The following DPH6 variants were observed in gnomAD, a reference collection of about 807,000 sequenced individuals.
The protein encoded by DPH6 is diphthamine biosynthesis 6.
In DPH6, 33 loss-of-function variants were observed where a neutral mutation model predicts 38.2. The ratio of observed to expected loss-of-function variants is 0.86; its 90% CI spans 0.65 to 1.15. DPH6 has a LOEUF of 1.15. DPH6 is among the 50% of genes most tolerant of loss of function. DPH6 has a pLI of 0.00. For synonymous variants in DPH6, 108 were observed against 103.0 expected (o/e 1.05, Z -0.30); for missense variants, 325 against 320.0 (o/e 1.02, Z -0.12).
intron 3 of DPH6, among the ~76,000 whole-genome samples, chr15:35,324,139 G>C (rs1297118944): frequency 6.6e-6 from 1 of 152,110 alleles, no homozygotes; most frequent in Non-Finnish European, 1.5e-5. Context: ...ATAATTCAGG[G>C]TTGTTGTGAG....
the DPH6 span, among the ~76,000 whole-genome samples, chr15:35,176,053 G>T: frequency 6.6e-6 from 1 of 152,186 alleles, no homozygotes; most frequent in Non-Finnish European, 1.5e-5. Context: ...ACTGTGAAGA[G>T]ATAATAACAA....
At chr15:35,226,952 T>C (rs1273465162) in intron 3 of DPH6, among the ~76,000 whole-genome samples, 11 of 152,108 alleles carry the variant, frequency 7.2e-5, no homozygotes, top group Non-Finnish European at 1.6e-4. Context: ...TTAGGTTCTG[T>C]CTGGGCTTTT....
the DPH6 span, among the ~76,000 whole-genome samples, chr15:35,204,608 C>G: frequency 6.6e-6 from 1 of 151,428 alleles, no homozygotes; most frequent in Non-Finnish European, 1.5e-5. Flanking sequence ...GGGTTATGCC[C>G]AAAACTCTGG....
chr15:35,521,577 G>A (rs2054923522), intron 3 of DPH6: 1 of 1,226,918 alleles, frequency 8.2e-7, no homozygotes, highest in Non-Finnish European at 1.0e-6. Context: ...GTGAGAAAAT[G>A]TATTTGCAAT....
At chr15:35,501,799 C>T (rs1237825520) in intron 3 of DPH6, among the ~76,000 whole-genome samples, 2 of 151,970 alleles carry the variant, frequency 1.3e-5, no homozygotes, top group East Asian at 1.9e-4. Flanking sequence ...TTAAGTGTTG[C>T]TATATTTTAA....
rs1055949744 is a variant in DPH6, at chr15:35,445,392, CATCA to C, written c.505+5289_505+5292del. Among the ~76,000 whole-genome samples, 4 of 37,164 alleles carry C rather than the reference CATCA, an allele frequency of 1.1e-4. No homozygotes were observed. The Admixed American group carries it at 1.7e-3, about 16-fold the overall frequency. 24.4% of individuals were successfully genotyped at this position (37,164 alleles called of 152,430 possible). ...TAATTAGTAATAGTCAAATCATCAT[CATCA>C]AAAAAAAAAAAAAAAAAGAGATCTG... On this transcript the variant is annotated intron_variant, in intron 5 of 8. Transcript: ENST00000256538.
At chr15:35,521,817 T>G in intron 3 of DPH6, 1 of 1,265,556 alleles carries the variant, frequency 7.9e-7, no homozygotes, top group African/African-American at 1.5e-5. Context: ...CATTGGATAA[T>G]AGCAGTGCTC....
chr15:35,222,721 A>T (rs1391914261), intron 3 of DPH6, among the ~76,000 whole-genome samples: 1 of 152,156 alleles, frequency 6.6e-6, no homozygotes, highest in Non-Finnish European at 1.5e-5. Context: ...GCAATCAGAT[A>T]CGCATTTGTC....
At chr15:35,202,971 A>T in the DPH6 span, among the ~76,000 whole-genome samples, 1 of 151,782 alleles carries the variant, frequency 6.6e-6, no homozygotes. Flanking sequence ...AATCACTTAC[A>T]GTGCTCAAAT....
At chr15:35,278,992 T>C (rs749347881) in intron 3 of DPH6, among the ~76,000 whole-genome samples, 8 of 137,872 alleles carry the variant, frequency 5.8e-5, no homozygotes. Context: ...GAGGTTGCAG[T>C]GAACTGAGAT....
chr15:35,424,174 A>T (rs1480764337), intron 5 of DPH6, among the ~76,000 whole-genome samples: 3 of 151,632 alleles, frequency 2.0e-5, no homozygotes, highest in Admixed American at 6.6e-5. Context: ...TTAACATATT[A>T]ATTATTTCAA....
intron 3 of DPH6, among the ~76,000 whole-genome samples, chr15:35,345,507 T>G (rs528047911): frequency 2.0e-5 from 3 of 151,918 alleles, no homozygotes; most frequent in African/African-American, 7.2e-5. Context: ...TATGCGTGGT[T>G]GTCTGTATTA....
At chr15:35,520,491 C>T in intron 3 of DPH6, 6 of 984,068 alleles carry the variant, frequency 6.1e-6, no homozygotes, top group Non-Finnish European at 7.2e-6. Flanking sequence ...ATTCCTGTTA[C>T]AATTCTTTGA....
At chr15:35,393,651 T>C (rs1379340654) in intron 6 of DPH6, among the ~76,000 whole-genome samples, 1 of 152,106 alleles carries the variant, frequency 6.6e-6, no homozygotes. Context: ...GAAGGTCTTA[T>C]GACTTTAGGG....
At chr15:35,277,783 A>C (rs185501518) in intron 3 of DPH6, among the ~76,000 whole-genome samples, 1 of 152,342 alleles carries the variant, frequency 6.6e-6, no homozygotes, top group Non-Finnish European at 1.5e-5. Flanking sequence ...CATTGTGTTC[A>C]TGTCCTAGGA....
intron 3 of DPH6, among the ~76,000 whole-genome samples, chr15:35,291,702 T>C (rs1052706574): frequency 1.3e-5 from 2 of 152,150 alleles, no homozygotes; most frequent in Non-Finnish European, 2.9e-5. Context: ...AAAGATGATG[T>C]GATATCTTAG....
the DPH6 span, among the ~76,000 whole-genome samples, chr15:35,209,226 T>C: frequency 6.6e-6 from 1 of 152,314 alleles, no homozygotes; most frequent in East Asian, 1.9e-4. Context: ...TAATATTATC[T>C]GCAAATAATG....
chr15:35,218,855 A>G, exon 4 of DPH6: 1 of 152,304 alleles, frequency 6.6e-6, no homozygotes, highest in Non-Finnish European at 1.5e-5. Flanking sequence ...AATTGAAAAA[A>G]AATGTATGTT....
intron 3 of DPH6, among the ~76,000 whole-genome samples, chr15:35,263,610 T>C (rs1035431045): frequency 6.6e-6 from 1 of 151,912 alleles, no homozygotes; most frequent in Admixed American, 6.6e-5. Context: ...CTCACTATAT[T>C]GCCAAAGATG....
Sources: allele counts gnomAD v4.1 joint callset (sites outside exome capture counted in the v4.1 genomes callset), GRCh38; gene constraint gnomAD v4.1.1; transcripts MANE v1.5; gene names NCBI Gene and HGNC (gene_info 2026-07-23, HGNC 2026-07-21).